The following RGS7 variants were observed in gnomAD, a reference collection of about 807,000 sequenced individuals.
The protein encoded by RGS7 is regulator of G protein signaling 7.
In RGS7, 27 loss-of-function variants were observed where a neutral mutation model predicts 81.1. That is an observed-to-expected ratio of 0.33 (90% confidence interval 0.25 to 0.46). The LOEUF is 0.46. Ranked by LOEUF, RGS7 falls within the 20% of genes least tolerant of loss-of-function variation. The pLI is 1.00. For missense variants in RGS7, 396 were observed against 607.4 expected, an observed-to-expected ratio of 0.65 and a Z score of 3.66; for synonymous variants, 208 against 207.7, an observed-to-expected ratio of 1.00 and a Z score of -0.01.
At chr1:241,238,469 A>G in intron 2 of RGS7, among the ~76,000 whole-genome samples, 1 of 152,122 alleles carries the variant, frequency 6.6e-6, no homozygotes, top group South Asian at 2.1e-4. Flanking sequence ...TTACATACAC[A>G]ATTGCCCCAA....
chr1:241,263,864 G>C (rs1260395176), intron 2 of RGS7, among the ~76,000 whole-genome samples: 3 of 152,058 alleles, frequency 2.0e-5, no homozygotes, highest in African/African-American at 7.2e-5. Flanking sequence ...ACCAGGCCTG[G>C]GTGCTCTTAT....
At chr1:241,231,727 CAT>C (rs1330213489) in intron 2 of RGS7, among the ~76,000 whole-genome samples, 1 of 152,202 alleles carries the variant, frequency 6.6e-6, no homozygotes, top group Non-Finnish European at 1.5e-5. Context: ...ATTCTGAATA[CAT>C]GTCTTTATCA....
chr1:241,142,191 T>C (rs1479125878), intron 2 of RGS7, among the ~76,000 whole-genome samples: 1 of 152,228 alleles, frequency 6.6e-6, no homozygotes, highest in Admixed American at 6.5e-5. Flanking sequence ...TTTCGTGGGC[T>C]GGCACTGAGT....
chr1:241,132,620 G>T (rs2067184443), intron 2 of RGS7, among the ~76,000 whole-genome samples: 1 of 152,008 alleles, frequency 6.6e-6, no homozygotes, highest in Admixed American at 6.5e-5. Context: ...TTTTGGAGAA[G>T]AGGTACTTCC....
chr1:240,819,257 G>A (rs560981717), intron 10 of RGS7, among the ~76,000 whole-genome samples: 3 of 151,994 alleles, frequency 2.0e-5, no homozygotes, highest in Non-Finnish European at 4.4e-5. Context: ...TATAAACAGT[G>A]CTTATAAAAA....
intron 3 of RGS7, among the ~76,000 whole-genome samples, chr1:241,044,146 C>G (rs981121000): frequency 1.9e-4 from 27 of 144,004 alleles, no homozygotes; most frequent in Middle Eastern, 7.4e-3. Context: ...TGGAGTCTTA[C>G]TCTGTTGCCC....
chr1:240,868,166 G>A lies in RGS7; in HGVS notation c.609+421C>T, dbSNP rs1663798087. On this transcript the variant is annotated intron_variant, in intron 9 of 18. Transcript: ENST00000440928. This position sits in a 1 kb window ranked among gnomAD's most constrained non-coding sequence, Gnocchi z 5.1. ...AGAAAGAAAGAAAGAAAGGACGGAGGGAGGGAAGGACGAAGGAAGGAAGGA... is the reference window on the plus strand; with the variant it reads ...AGAAAGAAAGAAAGAAAGGACGGAGAGAGGGAAGGACGAAGGAAGGAAGGA... Among the ~76,000 whole-genome samples, 1 of 150,480 alleles carries A rather than the reference G, an allele frequency of 6.6e-6. No individual in the cohort carries two copies. The highest frequency in any genetic ancestry group is 2.5e-5 in the African/African-American group (1 of 40,274).
At chr1:241,334,132 C>G (rs2082116189) in intron 2 of RGS7, among the ~76,000 whole-genome samples, 1 of 151,840 alleles carries the variant, frequency 6.6e-6, no homozygotes, top group South Asian at 2.1e-4. Flanking sequence ...AAAAGGTAAA[C>G]TAGATATTAA....
At chr1:240,915,527 G>C (rs1284228902) in intron 6 of RGS7, among the ~76,000 whole-genome samples, 1 of 152,136 alleles carries the variant, frequency 6.6e-6, no homozygotes, top group Non-Finnish European at 1.5e-5. Context: ...AGACAACAGC[G>C]GGGAATAAAA....
At chr1:240,930,876 A>C in intron 5 of RGS7, 108 bp from the exon 6 acceptor site, 1 of 1,076,866 alleles carries the variant, frequency 9.3e-7, no homozygotes, top group Non-Finnish European at 1.4e-6. Flanking sequence ...TTAGTTTGCT[A>C]TATGTTTTAT....
chr1:240,814,364 A>AT (rs1334308764), intron 12 of RGS7, among the ~76,000 whole-genome samples: 3 of 152,198 alleles, frequency 2.0e-5, no homozygotes, highest in African/African-American at 7.2e-5. Context: ...AAATAAGTTT[A>AT]TAGAGAGGCT....
intron 2 of RGS7, among the ~76,000 whole-genome samples, chr1:241,301,388 A>ACATAG (rs2079747468): frequency 6.6e-6 from 1 of 152,256 alleles, no homozygotes; most frequent in East Asian, 1.9e-4. Context: ...TGAGGGGTTC[A>ACATAG]AATAGAATCA....
intron 9 of RGS7, among the ~76,000 whole-genome samples, chr1:240,866,613 A>G (rs899715176): frequency 6.6e-6 from 1 of 151,876 alleles, no homozygotes; most frequent in Non-Finnish European, 1.5e-5. Context: ...TTGGAAGCCT[A>G]GTGAAGGATG....
chr1:241,096,143 C>T (rs1040895604), intron 3 of RGS7, among the ~76,000 whole-genome samples: 9 of 152,118 alleles, frequency 5.9e-5, no homozygotes, highest in South Asian at 2.1e-4. Context: ...ATAAAGTCAG[C>T]GGATTCCTTG....
chr1:241,167,232 G>A (rs1430104071), intron 2 of RGS7, among the ~76,000 whole-genome samples: 2 of 152,190 alleles, frequency 1.3e-5, no homozygotes, highest in South Asian at 4.1e-4. Context: ...AGGTGAGTGT[G>A]TTATGTGTGG....
chr1:241,206,636 C>CT (rs2073905683), intron 2 of RGS7, among the ~76,000 whole-genome samples: 1 of 152,170 alleles, frequency 6.6e-6, no homozygotes, highest in South Asian at 2.1e-4. Flanking sequence ...CAATCTTATT[C>CT]TTTGTCACGG....
At chr1:240,878,485 C>CTTTTTTTTTTT (rs1558400005) in intron 6 of RGS7, among the ~76,000 whole-genome samples, 1 of 90,382 alleles carries the variant, frequency 1.1e-5, no homozygotes, top group East Asian at 3.8e-4. Flanking sequence ...TTTCTTTTTT[C>CTTTTTTTTTTT]TTTCTTTTTT....
intron 2 of RGS7, among the ~76,000 whole-genome samples, chr1:241,261,554 G>T (rs555776987): frequency 6.6e-6 from 1 of 151,374 alleles, no homozygotes; most frequent in Admixed American, 6.6e-5. Flanking sequence ...ACTTGAACTC[G>T]GGAGGTGGAG....
chr1:240,887,243 T>G (rs1185500140), intron 6 of RGS7, among the ~76,000 whole-genome samples: 7 of 150,692 alleles, frequency 4.6e-5, no homozygotes, highest in South Asian at 2.1e-4. Flanking sequence ...TTTTTTTTTT[T>G]TTTGAGATGG....
Sources: gnomAD v4.1 joint callset for allele counts (sites outside exome capture counted in the v4.1 genomes callset) on GRCh38, gnomAD v4.1.1 for gene constraint, Gnocchi (gnomAD v3.1) non-coding constraint, MANE v1.5 for transcripts, NCBI Gene and HGNC (gene_info 2026-07-23, HGNC 2026-07-21) for gene names.